Variants in ENPP7 observed in about 807,000 individuals in gnomAD.
ENPP7 encodes ectonucleotide pyrophosphatase/phosphodiesterase family member 7.
ENPP7 carries 39 observed loss-of-function variants against 33.6 expected under a neutral mutation model. The ratio of observed to expected loss-of-function variants is 1.16; its 90% CI spans 0.90 to 1.52. The LOEUF (loss-of-function observed/expected upper bound fraction) is 1.52, where lower values mean the gene tolerates loss of function less well. Among genes scored for constraint, ENPP7 ranks in the 40% most tolerant of loss-of-function variants. The probability of loss-of-function intolerance (pLI) is 0.00; values close to 1 mark genes in which losing one functional copy is unlikely to be tolerated. For synonymous variants in ENPP7, 244 were observed against 274.3 expected, an observed-to-expected ratio of 0.89 and a Z score of 1.09; for missense variants, 594 against 641.0, an observed-to-expected ratio of 0.93 and a Z score of 0.79.
Position 79,738,315 on chromosome 17 carries a change from C to T in ENPP7, c.*16+253C>T. 1 of 413,618 alleles carries T rather than the reference C, an allele frequency of 2.4e-6. No homozygotes were observed. Among genetic ancestry groups the T allele is most frequent in the Non-Finnish European group, 4.5e-6 (1 of 224,426 alleles). 25.6% of individuals were successfully genotyped at this position (413,618 alleles called of 1,614,324 possible). On this transcript the variant is annotated intron_variant, in intron 5 of 5. Transcript: ENST00000328313. This position sits in a 1 kb window ranked among gnomAD's most constrained non-coding sequence, Gnocchi z 6.2. Reference sequence around the variant, plus strand: ...ACCACCCGGACCAGTGGCCAGAATTCCCACCCTCCCCCAAAAGCCAGAACT... The same window carrying T: ...ACCACCCGGACCAGTGGCCAGAATTTCCACCCTCCCCCAAAAGCCAGAACT...
At position 79,735,267 on chromosome 17, in the gene ENPP7, G is replaced by A; in HGVS notation, c.624G>A (p.Glu208=). Residue 208 remains glutamate (E), a synonymous_variant, in exon 3 of 6, where the codon GAG becomes GAA. Transcript: ENST00000328313. The surrounding 1 kb of genome is among the most constrained non-coding windows in gnomAD (Gnocchi z 5.5). ...CCACGGGCCACAGGTACGGCCCCGA[G>A]TCCCCGGAGAGGAGGGAGATGGTGC... ...PDSTGHRYGP[E]SPERREMVRQ... 1 of 1,613,572 alleles carries A rather than the reference G, an allele frequency of 6.2e-7. No homozygotes were observed. Among genetic ancestry groups the A allele is most frequent in the Non-Finnish European group, 8.5e-7 (1 of 1,180,030 alleles).
Position 79,735,352 on chromosome 17 carries a change from G to C in ENPP7, c.709G>C (p.Asp237His), listed in dbSNP as rs782753137. ...GAGCATCGCGCGCAACCACCTCACAGACCGCCTCAACCTGATCATCACATC... is the reference window on the plus strand; with the variant it reads ...GAGCATCGCGCGCAACCACCTCACACACCGCCTCAACCTGATCATCACATC... ...RESIARNHLT[D>H]RLNLIITSDH... Residue 237 changes from aspartate to histidine, a missense_variant, in exon 3 of 6, where the codon GAC becomes CAC. Physicochemically the swap from Asp to His is moderately conservative, Grantham distance 81 (BLOSUM62 -1). Transcript: ENST00000328313. This position sits in a 1 kb window ranked among gnomAD's most constrained non-coding sequence, Gnocchi z 5.5. 1 of 1,613,776 alleles carries C rather than the reference G, an allele frequency of 6.2e-7. No individual in the cohort carries two copies. Among genetic ancestry groups the C allele is most frequent in the African/African-American group, 1.3e-5 (1 of 74,932 alleles).
At position 79,737,393 on chromosome 17, in the gene ENPP7, C is replaced by G; in HGVS notation, c.1246+133C>G. On this transcript the variant is annotated intron_variant, in intron 4 of 5. Transcript: ENST00000328313. The surrounding 1 kb of genome is among the most constrained non-coding windows in gnomAD (Gnocchi z 5.5). ...CACCTCCCCTGGCTTTGGAGAACACCAGAATCTCTCACATTCCCACAACAC... is the reference window on the plus strand; with the variant it reads ...CACCTCCCCTGGCTTTGGAGAACACGAGAATCTCTCACATTCCCACAACAC... The G allele has an allele frequency of 1.4e-6, 1 of 691,148 alleles. No individual in the cohort carries two copies. The highest frequency in any genetic ancestry group is 2.4e-5 in the Admixed American group (1 of 42,218). 42.8% of individuals were successfully genotyped at this position (691,148 alleles called of 1,614,324 possible).
rs201934331 is a variant in ENPP7, at chr17:79,733,623, C to G, written c.369C>G (p.Ser123Arg). Reference protein sequence around the residue: ...LGIQRWWDNGSVPIWITAQRQ... With the variant: ...LGIQRWWDNGRVPIWITAQRQ... The stretch of plus-strand genomic sequence containing the variant: ...TCCAGAGGTGGTGGGACAACGGCAG[C>G]GTGCCCATCTGGATCACAGCCCAGA... Residue 123 changes from serine (S) to arginine (R), a missense_variant, in exon 2 of 6, where the codon AGC (serine) becomes AGG (arginine). Ser to Arg is a moderately radical substitution (Grantham distance 110). This residue lies in a region of ENPP7 where 504 missense variants were observed against 512.8 expected (regional missense o/e 0.98). Coordinates refer to ENST00000328313, the MANE Select transcript of ENPP7 (RefSeq NM_178543.5). The G allele has an allele frequency of 5.0e-6, 8 of 1,612,870 alleles. No individual in the cohort carries two copies. In the East Asian group the frequency reaches 1.8e-4, roughly 36 times the overall value.
chr17:79,737,565 T>C lies in ENPP7; in HGVS notation c.1246+305T>C, dbSNP rs1316797694. On this transcript the variant is annotated intron_variant, in intron 4 of 5. Coordinates refer to ENST00000328313, the MANE Select transcript of ENPP7 (RefSeq NM_178543.5). The surrounding 1 kb of genome is among the most constrained non-coding windows in gnomAD (Gnocchi z 5.5). ...CAGAGCCCACCTCCTGGCTGCTGGA[T>C]CCCCACTCCCCACTCCCCACCACAG... is the stretch of plus-strand genomic sequence containing the variant. Among the ~76,000 whole-genome samples the C allele has an allele frequency of 6.6e-6, 1 of 150,808 alleles. No individual in the cohort carries two copies. The highest frequency in any genetic ancestry group is 1.9e-4 in the East Asian group (1 of 5,148).
In ENPP7 at chr17:79,730,945, G is replaced by A. The variant is rs781907352; in HGVS notation, c.-195G>A. The stretch of plus-strand genomic sequence containing the variant: ...GATGCTCAAGTTGATGCCACCCCAC[G>A]CACGTGAGGCTGGGACCAGGGGTGG... On this transcript the variant is annotated 5_prime_UTR_variant, in exon 1 of 6. Transcript: ENST00000328313. 239 of 602,330 alleles carry A rather than the reference G, an allele frequency of 4.0e-4. No homozygotes were observed. The highest frequency in any genetic ancestry group is 5.5e-4 in the Non-Finnish European group (191 of 345,452). The allele number at this position is 602,330 out of a possible 1,614,324, so 37.3% of individuals were successfully genotyped here.
In ENPP7 at chr17:79,735,277, A is replaced by G. The variant is rs781997797; in HGVS notation, c.634A>G (p.Arg212Gly). Residue 212 changes from arginine to glycine, a missense_variant, in exon 3 of 6, where the codon AGG (arginine) becomes GGG (glycine). By Grantham distance (125) the Arg-to-Gly change is moderately radical (BLOSUM62 -2). Around this residue, in one of 3 missense-constraint regions of ENPP7, gnomAD observed 504 missense variants for 512.8 expected, o/e 0.98. Transcript: ENST00000328313. This position sits in a 1 kb window ranked among gnomAD's most constrained non-coding sequence, Gnocchi z 5.5. ...CAGGTACGGCCCCGAGTCCCCGGAGAGGAGGGAGATGGTGCGGCAGGTGGA... is the reference window on the plus strand; with the variant it reads ...CAGGTACGGCCCCGAGTCCCCGGAGGGGAGGGAGATGGTGCGGCAGGTGGA... ...GHRYGPESPE[R>G]REMVRQVDRT... 5 of 1,613,422 alleles carry G rather than the reference A, an allele frequency of 3.1e-6. No homozygotes were observed. The East Asian group carries it at 1.1e-4, about 36-fold the overall frequency.
Position 79,733,479 on chromosome 17 carries a change from G to A in ENPP7, c.254-29G>A, listed in dbSNP as rs188386728. 33 of 1,606,868 alleles carry A rather than the reference G, an allele frequency of 2.1e-5. No individual in the cohort carries two copies. The African/African-American group carries it at 2.3e-4, about 11-fold the overall frequency. The stretch of plus-strand genomic sequence containing the variant: ...CTTCGCTGTGACCCCGGTCCATCCC[G>A]CCGCCCTCTGCACCTCTTCCTCCCT... On this transcript the variant is annotated intron_variant, in intron 1 of 5. Transcript: ENST00000328313.
intron 5 of ENPP7, among the ~76,000 whole-genome samples, chr17:79,740,471 T>C (rs553679078): frequency 2.0e-4 from 31 of 152,248 alleles, no homozygotes; most frequent in African/African-American, 7.0e-4. Context: ...CGCCTGCCTC[T>C]CTGTGCTCAG....
In ENPP7 at chr17:79,737,663, C is replaced by A. The variant is rs555220396; in HGVS notation, c.1247-253C>A. Reference sequence around the variant, plus strand: ...ACACACACCTCCCCACTGGAACCTGCCCCATCTTGGGGACAAAGGCCACCT... The same window carrying A: ...ACACACACCTCCCCACTGGAACCTGACCCATCTTGGGGACAAAGGCCACCT... On this transcript the variant is annotated intron_variant, in intron 4 of 5. Transcript: ENST00000328313. This position sits in a 1 kb window ranked among gnomAD's most constrained non-coding sequence, Gnocchi z 5.5. 5.3e-5 allele frequency among the ~76,000 whole-genome samples: 8 copies of A among 152,332 alleles called. No individual in the cohort carries two copies. The South Asian group carries it at 1.4e-3, about 28-fold the overall frequency.
At chr17:79,736,964 C>T (rs1666834871) in intron 3 of ENPP7, 77 bp from the exon 4 acceptor site, 7 of 1,258,318 alleles carry the variant, frequency 5.6e-6, no homozygotes, top group South Asian at 2.5e-5. Flanking sequence ...AGGGGGTGTT[C>T]ATAGGGTGGA....
chr17:79,742,050 CCCT>C lies in ENPP7; in HGVS notation c.*280_*282del, dbSNP rs1905569704. The C allele has an allele frequency of 3.3e-6, 2 of 602,170 alleles. No homozygotes were observed. The highest frequency in any genetic ancestry group is 2.0e-5 in the African/African-American group (1 of 49,760). The allele number at this position is 602,170 out of a possible 1,614,324, so 37.3% of individuals were successfully genotyped here. ...TGCTCCTGCTCCTCCCCTTCGGGCCCCCTCCTCCTGCAAAACCCGCTCCCGAAG... is the reference window on the plus strand; with the variant it reads ...TGCTCCTGCTCCTCCCCTTCGGGCCCCCTCCTGCAAAACCCGCTCCCGAAG... On this transcript the variant is annotated 3_prime_UTR_variant, in exon 6 of 6. Coordinates refer to ENST00000328313, the MANE Select transcript of ENPP7 (RefSeq NM_178543.5).
Position 79,737,343 on chromosome 17 carries a change from G to C in ENPP7, c.1246+83G>C. 8.2e-7 allele frequency: 1 copy of C among 1,226,490 alleles called. No homozygotes were observed. Among genetic ancestry groups the C allele is most frequent in the East Asian group, 2.6e-5 (1 of 39,092 alleles). 76.0% of individuals were successfully genotyped at this position (1,226,490 alleles called of 1,614,324 possible). ...AGGGTGCCTGCATGCCTGTGACCAG[G>C]ACACCCTTGAGCCCCAAGTGGGGCC... On this transcript the variant is annotated intron_variant, in intron 4 of 5. Coordinates refer to ENST00000328313, the MANE Select transcript of ENPP7 (RefSeq NM_178543.5). This position sits in a 1 kb window ranked among gnomAD's most constrained non-coding sequence, Gnocchi z 5.5.
At chr17:79,732,473 C>T (rs34106585) in intron 1 of ENPP7, among the ~76,000 whole-genome samples, 19,957 of 151,900 alleles carry the variant, frequency 0.13, 1,450 homozygotes, top group African/African-American at 0.18. Context: ...GAAACGGATC[C>T]GCATGCTTCT....
In ENPP7 at chr17:79,737,844, C is replaced by T. The variant is rs202246912; in HGVS notation, c.1247-72C>T. 4,940 of 1,558,120 alleles carry T rather than the reference C, an allele frequency of 3.2e-3. 11 individuals carry two copies. The highest frequency in any genetic ancestry group is 3.7e-3 in the Non-Finnish European group (4,164 of 1,136,708). On this transcript the variant is annotated intron_variant, in intron 4 of 5. Coordinates refer to ENST00000328313, the MANE Select transcript of ENPP7 (RefSeq NM_178543.5). The surrounding 1 kb of genome is among the most constrained non-coding windows in gnomAD (Gnocchi z 5.5). ...GCTCGTGGGGACCAACAGAGGACCC[C>T]GAGTTTACTGTGGAGAGGCTGGGGT...
intron 1 of ENPP7, 137 bp from the exon 2 acceptor site, chr17:79,733,370 GC>G (rs59356172): frequency 0.12 from 104,843 of 853,728 alleles, 7,005 homozygotes; most frequent in African/African-American, 0.22. Flanking sequence ...GCTCCCCCCA[GC>G]CCTGCCCCAG....
rs782007180 is a variant in ENPP7, at chr17:79,731,182, C to T, written c.43C>T (p.Leu15Phe). Residue 15 changes from leucine (L) to phenylalanine (F), a missense_variant, in exon 1 of 6, where the codon CTC (leucine) becomes TTC (phenylalanine). Leu to Phe is a conservative substitution (Grantham distance 22). Coordinates refer to ENST00000328313, the MANE Select transcript of ENPP7 (RefSeq NM_178543.5). ...AVLLTVALATLLAPGAGAPVQ... is the reference protein window; with the variant it reads ...AVLLTVALATFLAPGAGAPVQ... Reference sequence around the variant, plus strand: ...CCTCCTCACTGTGGCTCTGGCCACGCTCCTGGCTCCCGGGGCCGGAGCACC... The same window carrying T: ...CCTCCTCACTGTGGCTCTGGCCACGTTCCTGGCTCCCGGGGCCGGAGCACC... 1 of 1,611,244 alleles carries T rather than the reference C, an allele frequency of 6.2e-7. No individual in the cohort carries two copies. Among genetic ancestry groups the T allele is most frequent in the Non-Finnish European group, 8.5e-7 (1 of 1,179,754 alleles).
chr17:79,736,140 G>A (rs1486344060), intron 3 of ENPP7, among the ~76,000 whole-genome samples: 1 of 151,956 alleles, frequency 6.6e-6, no homozygotes, highest in Non-Finnish European at 1.5e-5. Context: ...TCTGGCCTCA[G>A]GCGATCCACC....
Position 79,737,706 on chromosome 17 carries a change from C to A in ENPP7, c.1247-210C>A, listed in dbSNP as rs1456485608. On this transcript the variant is annotated intron_variant, in intron 4 of 5. Coordinates refer to ENST00000328313, the MANE Select transcript of ENPP7 (RefSeq NM_178543.5). The surrounding 1 kb of genome is among the most constrained non-coding windows in gnomAD (Gnocchi z 5.5). ...GGCCACCTGGAAACTGACAAGGTGG[C>A]GACCCCGGCGGGGGCCTGGCTGGAG... 3.3e-5 allele frequency among the ~76,000 whole-genome samples: 5 copies of A among 152,096 alleles called. No homozygotes were observed. Among genetic ancestry groups the A allele is most frequent in the African/African-American group, 1.2e-4 (5 of 41,424 alleles).
Sources: allele counts gnomAD v4.1 joint callset (sites outside exome capture counted in the v4.1 genomes callset), GRCh38; gene constraint gnomAD v4.1.1; regional missense constraint gnomAD v4.1.1; non-coding constraint Gnocchi (gnomAD v3.1); transcripts MANE v1.5; gene names NCBI Gene and HGNC (gene_info 2026-07-23, HGNC 2026-07-21).